Variants in GRM7 observed in about 807,000 individuals in gnomAD.
GRM7 encodes metabotropic glutamate receptor 7.
GRM7 carries 35 observed loss-of-function variants against 84.5 expected under a neutral mutation model. That is an observed-to-expected ratio of 0.41 (90% confidence interval 0.32 to 0.55). The LOEUF is 0.55. Ranked by LOEUF, GRM7 falls within the 20% of genes least tolerant of loss-of-function variation. GRM7 has a pLI of 0.19. For missense variants in GRM7, 1,003 were observed against 1,194.6 expected (o/e 0.84, Z 2.36); for synonymous variants, 487 against 455.1 (o/e 1.07, Z -0.89).
intron 1 of GRM7, among the ~76,000 whole-genome samples, chr3:6,888,058 G>A (rs1392461045): frequency 6.6e-6 from 1 of 152,262 alleles, no homozygotes; most frequent in East Asian, 1.9e-4. Context: ...CATGTCCCTT[G>A]CCCACTTTTG....
Position 7,600,960 on chromosome 3 carries a change from A to G in GRM7, c.2451+21603A>G, listed in dbSNP as rs569416923. Among the ~76,000 whole-genome samples, 17 of 152,174 alleles carry G rather than the reference A, an allele frequency of 1.1e-4. No homozygotes were observed. In the East Asian group the frequency reaches 2.1e-3, roughly 19 times the overall value. On this transcript the variant is annotated intron_variant, in intron 8 of 9. Coordinates refer to ENST00000357716, the MANE Select transcript of GRM7 (RefSeq NM_000844.4). ...CAGTGCAACTTTATTCATATTCCTCATTGCCACTCTCTGTGATACAGCCAC... is the reference window on the plus strand; with the variant it reads ...CAGTGCAACTTTATTCATATTCCTCGTTGCCACTCTCTGTGATACAGCCAC...
intron 4 of GRM7, among the ~76,000 whole-genome samples, chr3:7,378,214 T>G (rs894876246): frequency 5.3e-5 from 8 of 152,274 alleles, no homozygotes; most frequent in African/African-American, 1.9e-4. Context: ...TAGCTTCTAG[T>G]CCTCAAAGAA....
At chr3:7,378,748 T>C (rs2125126959) in intron 4 of GRM7, among the ~76,000 whole-genome samples, 1 of 152,280 alleles carries the variant, frequency 6.6e-6, no homozygotes, top group East Asian at 1.9e-4. Flanking sequence ...ATTTTTATTA[T>C]GAAGACCCCC....
intron 1 of GRM7, among the ~76,000 whole-genome samples, chr3:7,027,312 T>C (rs944330653): frequency 1.2e-4 from 19 of 152,078 alleles, no homozygotes; most frequent in Non-Finnish European, 1.2e-4. Flanking sequence ...ATCTTAAAAA[T>C]CTAAACATCT....
At chr3:7,344,498 G>A (rs1421501840) in intron 4 of GRM7, among the ~76,000 whole-genome samples, 1 of 151,804 alleles carries the variant, frequency 6.6e-6, no homozygotes, top group African/African-American at 2.4e-5. Context: ...TGTTATTTAT[G>A]GGCATGTAAA....
intron 7 of GRM7, among the ~76,000 whole-genome samples, chr3:7,569,548 C>G (rs1021695073): frequency 2.0e-5 from 3 of 152,100 alleles, no homozygotes; most frequent in African/African-American, 7.2e-5. Context: ...GCTGCCCCAG[C>G]CAGCAGTGGC....
chr3:7,422,321 A>G (rs970224934), intron 5 of GRM7, among the ~76,000 whole-genome samples: 1 of 152,210 alleles, frequency 6.6e-6, no homozygotes, highest in Admixed American at 6.5e-5. Flanking sequence ...ACCAGCGTTG[A>G]CCAATGGAAC....
intron 2 of GRM7, among the ~76,000 whole-genome samples, chr3:7,168,205 G>T (rs1042739585): frequency 6.6e-6 from 1 of 152,004 alleles, no homozygotes; most frequent in Non-Finnish European, 1.5e-5. Flanking sequence ...TTAGCACAGT[G>T]CCTGGTACTT....
chr3:7,047,190 G>T (rs1280486425), intron 1 of GRM7, among the ~76,000 whole-genome samples: 1 of 151,832 alleles, frequency 6.6e-6, no homozygotes, highest in African/African-American at 2.4e-5. Context: ...TTCTATGGCT[G>T]CTTTTGCTCT....
At chr3:7,222,304 G>A (rs1379971273) in intron 2 of GRM7, among the ~76,000 whole-genome samples, 1 of 152,016 alleles carries the variant, frequency 6.6e-6, no homozygotes, top group African/African-American at 2.4e-5. Context: ...GTAGTGCTGT[G>A]AAGATATTTT....
intron 2 of GRM7, among the ~76,000 whole-genome samples, chr3:7,243,377 G>A (rs960472731): frequency 1.3e-5 from 2 of 152,052 alleles, no homozygotes; most frequent in African/African-American, 4.8e-5. Flanking sequence ...GCTAAAATTG[G>A]TTCTTGTCTC....
chr3:7,639,415 A>G (rs1216350665), intron 8 of GRM7, among the ~76,000 whole-genome samples: 1 of 152,096 alleles, frequency 6.6e-6, no homozygotes, highest in East Asian at 1.9e-4. Context: ...TCTCCCATTA[A>G]TATATTGCAA....
chr3:7,626,177 A>G (rs1444637332), intron 8 of GRM7, among the ~76,000 whole-genome samples: 2 of 152,126 alleles, frequency 1.3e-5, no homozygotes, highest in East Asian at 3.9e-4. Context: ...AGGGTCATCC[A>G]GCCTGAGCCC....
At chr3:7,506,076 C>A (rs527532432) in intron 7 of GRM7, among the ~76,000 whole-genome samples, 1 of 152,298 alleles carries the variant, frequency 6.6e-6, no homozygotes, top group South Asian at 2.1e-4. Flanking sequence ...AGCCATTAAG[C>A]AGCCTGCATG....
intron 7 of GRM7, among the ~76,000 whole-genome samples, chr3:7,525,163 C>A (rs2124996786): frequency 6.6e-6 from 1 of 151,566 alleles, no homozygotes; most frequent in Non-Finnish European, 1.5e-5. Flanking sequence ...ATACCTAATG[C>A]TAAATGACGA....
chr3:6,880,506 A>G (rs934904560), intron 1 of GRM7, among the ~76,000 whole-genome samples: 1 of 152,208 alleles, frequency 6.6e-6, no homozygotes, highest in Non-Finnish European at 1.5e-5. Flanking sequence ...CTTATGGTTC[A>G]CATATAAACA....
At chr3:7,508,709 G>A (rs1044865570) in intron 7 of GRM7, among the ~76,000 whole-genome samples, 1 of 152,124 alleles carries the variant, frequency 6.6e-6, no homozygotes, top group Non-Finnish European at 1.5e-5. Context: ...TTTCCTGCAA[G>A]AAAATTAAGG....
chr3:7,334,209 A>G (rs1559244395), intron 4 of GRM7, among the ~76,000 whole-genome samples: 1 of 152,096 alleles, frequency 6.6e-6, no homozygotes, highest in Non-Finnish European at 1.5e-5. Flanking sequence ...CTGTGATAAA[A>G]AGTATCACCT....
chr3:7,735,897 A>G (rs1702483809), intron 9 of GRM7, among the ~76,000 whole-genome samples: 1 of 152,176 alleles, frequency 6.6e-6, no homozygotes, highest in East Asian at 1.9e-4. Context: ...TCAGGTCTAG[A>G]TCTAGAAGTG....
Sources: gnomAD v4.1 joint callset for allele counts (sites outside exome capture counted in the v4.1 genomes callset) on GRCh38, gnomAD v4.1.1 for gene constraint, MANE v1.5 for transcripts, NCBI Gene and HGNC (gene_info 2026-07-23, HGNC 2026-07-21) for gene names.